C12orf42: variants seen among roughly 807,000 people sequenced by gnomAD.
C12orf42 encodes chromosome 12 open reading frame 42, also known as uncharacterized protein C12orf42.
Under a neutral mutation model 21.6 loss-of-function variants are expected in C12orf42, and 25 were observed. That is an observed-to-expected ratio of 1.16 (90% CI 0.84 to 1.62). The LOEUF (loss-of-function observed/expected upper bound fraction) is 1.62. Ranked by LOEUF, C12orf42 falls within the 40% of genes most tolerant of loss-of-function variation. The pLI is 0.00. For synonymous variants in C12orf42, 174 were observed against 175.0 expected (o/e 0.99, Z 0.05); for missense variants, 483 against 459.3 (o/e 1.05, Z -0.47).
At chr12:103,130,777 A>T in the C12orf42 span, among the ~76,000 whole-genome samples, 4 of 152,144 alleles carry the variant, frequency 2.6e-5, no homozygotes, top group Admixed American at 2.6e-4. Flanking sequence ...TTGGATGTGG[A>T]CTGATCCTGG....
the C12orf42 span, among the ~76,000 whole-genome samples, chr12:103,545,472 AT>A: frequency 1.3e-5 from 2 of 152,240 alleles, no homozygotes; most frequent in Admixed American, 6.5e-5. Flanking sequence ...TCACTTCAGA[AT>A]ATCTAAGAAA....
chr12:103,549,715 C>A, the C12orf42 span: 1 of 152,118 alleles, frequency 6.6e-6, no homozygotes, highest in African/African-American at 2.4e-5. Flanking sequence ...GCTTTTCACT[C>A]ACAATGGCAG....
At chr12:103,126,270 C>A in the C12orf42 span, among the ~76,000 whole-genome samples, 2 of 152,136 alleles carry the variant, frequency 1.3e-5, no homozygotes, top group Admixed American at 6.5e-5. Flanking sequence ...AAGCAGAAAA[C>A]AAATGATGCC....
the C12orf42 span, among the ~76,000 whole-genome samples, chr12:103,187,667 G>C: frequency 6.6e-6 from 1 of 152,120 alleles, no homozygotes; most frequent in Non-Finnish European, 1.5e-5. Context: ...CTATACTTGG[G>C]CAATTCTTGG....
the C12orf42 span, among the ~76,000 whole-genome samples, chr12:103,516,466 TAAAGA>T: frequency 1.3e-5 from 2 of 152,296 alleles, no homozygotes; most frequent in African/African-American, 4.8e-5. Flanking sequence ...TGGTAATTTA[TAAAGA>T]AAAGAGGTTT....
chr12:103,132,103 G>C, the C12orf42 span, among the ~76,000 whole-genome samples: 13 of 152,258 alleles, frequency 8.5e-5, no homozygotes, highest in East Asian at 2.5e-3. Context: ...GGGGTGAATA[G>C]TATTAGATAT....
chr12:103,181,637 T>A, the C12orf42 span, among the ~76,000 whole-genome samples: 2 of 152,248 alleles, frequency 1.3e-5, no homozygotes, highest in Admixed American at 1.3e-4. Flanking sequence ...CCAACGAGGT[T>A]AGTTTTATGT....
the C12orf42 span, among the ~76,000 whole-genome samples, chr12:103,071,343 G>A: frequency 1.5e-4 from 23 of 152,082 alleles, no homozygotes; most frequent in East Asian, 1.4e-3. Context: ...ATAAATACAC[G>A]CAGAGACTCT....
chr12:103,138,525 G>C, the C12orf42 span, among the ~76,000 whole-genome samples: 1 of 152,106 alleles, frequency 6.6e-6, no homozygotes, highest in African/African-American at 2.4e-5. Flanking sequence ...GTGGAATTTT[G>C]AGTCAATTAA....
chr12:103,215,739 CA>C, the C12orf42 span, among the ~76,000 whole-genome samples: 1 of 152,202 alleles, frequency 6.6e-6, no homozygotes. Flanking sequence ...CTATCCATAG[CA>C]AAGCTGATGC....
downstream of C12orf42, among the ~76,000 whole-genome samples, chr12:103,234,478 GGTAA>G (rs1374487718): frequency 6.6e-6 from 1 of 151,918 alleles, no homozygotes; most frequent in Non-Finnish European, 1.5e-5. Flanking sequence ...AAATTGTTTG[GGTAA>G]GAACAATGCC....
intron 1 of C12orf42, 48 bp from the exon 2 acceptor site, chr12:103,478,495 T>C (rs1954231542): frequency 6.7e-6 from 6 of 889,560 alleles, no homozygotes; most frequent in Non-Finnish European, 1.0e-5. Flanking sequence ...AATGATGCAA[T>C]GATAATATTA....
chr12:103,426,353 C>A (rs867806558), intron 2 of C12orf42, among the ~76,000 whole-genome samples: 2 of 152,068 alleles, frequency 1.3e-5, no homozygotes, highest in African/African-American at 4.8e-5. Context: ...GTGGAAGAAA[C>A]AATCTCAGAG....
the C12orf42 span, among the ~76,000 whole-genome samples, chr12:103,062,901 C>T: frequency 1.3e-5 from 2 of 152,144 alleles, no homozygotes; most frequent in Non-Finnish European, 2.9e-5. Flanking sequence ...AATATTTTCA[C>T]CATGTCTCCT....
At chr12:103,346,241 TTAAA>T (rs1315436532) in intron 4 of C12orf42, among the ~76,000 whole-genome samples, 2 of 152,196 alleles carry the variant, frequency 1.3e-5, no homozygotes, top group Non-Finnish European at 2.9e-5. Context: ...GGTCAAATCT[TTAAA>T]TAAATAATGT....
chr12:103,368,810 T>G (rs985809450), intron 4 of C12orf42, 77 bp downstream of exon 4: 1 of 729,968 alleles, frequency 1.4e-6, no homozygotes, highest in Non-Finnish European at 2.2e-6. Flanking sequence ...CAATACAATC[T>G]TTATGATTAT....
At chr12:103,153,590 A>G in the C12orf42 span, among the ~76,000 whole-genome samples, 1 of 152,166 alleles carries the variant, frequency 6.6e-6, no homozygotes, top group South Asian at 2.1e-4. Flanking sequence ...AAATTCATTT[A>G]TAATCAGGGA....
chr12:103,451,278 G>C (rs1951923562), intron 2 of C12orf42, among the ~76,000 whole-genome samples: 1 of 151,906 alleles, frequency 6.6e-6, no homozygotes, highest in Non-Finnish European at 1.5e-5. Context: ...CCAGGCTGGA[G>C]CGCAGAAGCA....
At chr12:103,256,452 G>C (rs1318874337) in intron 10 of C12orf42, among the ~76,000 whole-genome samples, 3 of 151,186 alleles carry the variant, frequency 2.0e-5, no homozygotes, top group South Asian at 2.1e-4. Context: ...GGACCCACAT[G>C]GTATTGGCAT....
Sources: allele counts gnomAD v4.1 joint callset (sites outside exome capture counted in the v4.1 genomes callset), GRCh38; gene constraint gnomAD v4.1.1; transcripts MANE v1.5; gene names NCBI Gene and HGNC (gene_info 2026-07-23, HGNC 2026-07-21).